Variants in ASCC3 observed in about 807,000 individuals in gnomAD.
ASCC3 encodes the protein ASC-1 complex subunit P200.
A neutral mutation model predicts 256.3 loss-of-function variants in ASCC3; 158 were observed. The observed-to-expected ratio is 0.62, with a 90% CI of 0.54 to 0.70. The LOEUF is 0.70. Among genes scored for constraint, ASCC3 ranks in the 30% least tolerant of loss-of-function variants. ASCC3 has a pLI of 0.00. For missense variants in ASCC3, 2,259 were observed against 2,626.0 expected (o/e 0.86, Z 3.05); for synonymous variants, 948 against 883.4 (o/e 1.07, Z -1.30).
At chr6:100,556,113 A>T (rs910731699) in intron 36 of ASCC3, among the ~76,000 whole-genome samples, 1 of 152,238 alleles carries the variant, frequency 6.6e-6, no homozygotes, top group Non-Finnish European at 1.5e-5. Flanking sequence ...ACTGGGTATG[A>T]GAATATATCA....
intron 37 of ASCC3, among the ~76,000 whole-genome samples, chr6:100,534,959 G>A (rs1471290140): frequency 6.6e-6 from 1 of 152,162 alleles, no homozygotes; most frequent in African/African-American, 2.4e-5. Flanking sequence ...AAATTACTAT[G>A]ATAAAGCGAG....
intron 4 of ASCC3, among the ~76,000 whole-genome samples, chr6:100,834,794 A>G (rs1187385823): frequency 6.6e-6 from 1 of 152,162 alleles, no homozygotes; most frequent in Non-Finnish European, 1.5e-5. Context: ...ACAAACAACT[A>G]CTGGAAAATT....
At chr6:100,605,977 C>T (rs982782975) in intron 32 of ASCC3, among the ~76,000 whole-genome samples, 10 of 151,388 alleles carry the variant, frequency 6.6e-5, no homozygotes, top group African/African-American at 2.4e-4. Flanking sequence ...ATGAAAATTC[C>T]CTTTAGTGGA....
At chr6:100,772,777 T>C (rs994575603) in intron 8 of ASCC3, among the ~76,000 whole-genome samples, 1 of 152,186 alleles carries the variant, frequency 6.6e-6, no homozygotes, top group Non-Finnish European at 1.5e-5. Context: ...TTGCCACTAC[T>C]TGCAATATAA....
At chr6:100,760,963 T>C (rs1218013826) in intron 10 of ASCC3, among the ~76,000 whole-genome samples, 1 of 152,104 alleles carries the variant, frequency 6.6e-6, no homozygotes, top group Non-Finnish European at 1.5e-5. Flanking sequence ...GACATAAACC[T>C]GCAGATTCAA....
intron 10 of ASCC3, among the ~76,000 whole-genome samples, chr6:100,762,439 G>T (rs1016812100): frequency 6.6e-5 from 10 of 152,162 alleles, no homozygotes; most frequent in African/African-American, 2.2e-4. Context: ...CTTCATCAAG[G>T]ATACATTTAG....
At chr6:100,520,221 C>G (rs1582378857) in intron 37 of ASCC3, among the ~76,000 whole-genome samples, 1 of 152,034 alleles carries the variant, frequency 6.6e-6, no homozygotes, top group Admixed American at 6.6e-5. Context: ...CATATCATTC[C>G]TCTGCTTAGG....
chr6:100,846,385 GA>G (rs754355840), intron 4 of ASCC3, among the ~76,000 whole-genome samples: 9 of 152,048 alleles, frequency 5.9e-5, no homozygotes, highest in Non-Finnish European at 5.9e-5. Context: ...ATACGAACAG[GA>G]AAACCAAAAC....
At chr6:100,654,290 A>G (rs190128407) in intron 17 of ASCC3, among the ~76,000 whole-genome samples, 1 of 151,186 alleles carries the variant, frequency 6.6e-6, no homozygotes, top group Admixed American at 6.6e-5. Flanking sequence ...TAATAACATT[A>G]AAACACACAA....
intron 38 of ASCC3, among the ~76,000 whole-genome samples, chr6:100,517,065 T>G (rs764047871): frequency 6.6e-6 from 1 of 152,038 alleles, no homozygotes; most frequent in Non-Finnish European, 1.5e-5. Flanking sequence ...CCCCATGCCA[T>G]CTGCTGCTGG....
chr6:100,754,623 G>A (rs1027720858), intron 10 of ASCC3, among the ~76,000 whole-genome samples: 18 of 152,026 alleles, frequency 1.2e-4, no homozygotes, highest in African/African-American at 4.3e-4. Context: ...CCATACTCTA[G>A]TAACTATTGT....
chr6:100,578,065 G>C (rs1770971079), intron 36 of ASCC3, among the ~76,000 whole-genome samples: 1 of 151,934 alleles, frequency 6.6e-6, no homozygotes, highest in African/African-American at 2.4e-5. Context: ...CTCAGAAACT[G>C]TCTGTTGTCT....
At position 100,753,468 on chromosome 6, in the gene ASCC3, T is replaced by G. The variant is rs552019355; in HGVS notation, c.1737+13097A>C. 1.4e-4 allele frequency among the ~76,000 whole-genome samples: 21 copies of G among 147,252 alleles called. No homozygotes were observed. In the South Asian group the frequency reaches 4.6e-3, roughly 32 times the overall value. ...GTATTAATGTCATCAGTAAAGGGCA[T>G]GAAAAAATGGACAAATCAAACAGGT... On this transcript the variant is annotated intron_variant, in intron 10 of 41. Coordinates refer to ENST00000369162, the MANE Select transcript of ASCC3 (RefSeq NM_006828.4).
At chr6:100,720,691 C>T (rs1229150675) in intron 11 of ASCC3, among the ~76,000 whole-genome samples, 1 of 151,450 alleles carries the variant, frequency 6.6e-6, no homozygotes, top group Non-Finnish European at 1.5e-5. Flanking sequence ...ACAATTTGAC[C>T]ATTTTTCTTA....
intron 3 of ASCC3, among the ~76,000 whole-genome samples, chr6:100,859,775 T>C (rs189006243): frequency 2.6e-5 from 4 of 152,132 alleles, no homozygotes; most frequent in Admixed American, 1.3e-4. Flanking sequence ...AAAACTCATA[T>C]AAATCAGGGC....
Position 100,640,362 on chromosome 6 carries a change from C to G in ASCC3, c.3902-1541G>C, listed in dbSNP as rs564484557. ...TAATGACTATATATTCAAAGAGACC[C>G]TGGAATCATTGAGGTTACTTTGTAT... On this transcript the variant is annotated intron_variant, in intron 24 of 41. Coordinates refer to ENST00000369162, the MANE Select transcript of ASCC3 (RefSeq NM_006828.4). Among the ~76,000 whole-genome samples, 12 of 152,136 alleles carry G rather than the reference C, an allele frequency of 7.9e-5. No individual in the cohort carries two copies. The South Asian group carries it at 2.1e-3, about 26-fold the overall frequency.
At chr6:100,556,826 A>G (rs567560070) in intron 36 of ASCC3, among the ~76,000 whole-genome samples, 62 of 152,060 alleles carry the variant, frequency 4.1e-4, no homozygotes, top group Non-Finnish European at 5.9e-5. Flanking sequence ...GGAGCTAAAG[A>G]GTGAACATTT....
chr6:100,689,707 T>C (rs1232309747), intron 13 of ASCC3, among the ~76,000 whole-genome samples: 1 of 152,196 alleles, frequency 6.6e-6, no homozygotes, highest in East Asian at 1.9e-4. Context: ...ATTCACACCT[T>C]TATTAAAATA....
intron 10 of ASCC3, among the ~76,000 whole-genome samples, chr6:100,735,637 A>G (rs1486880835): frequency 6.6e-6 from 1 of 152,150 alleles, no homozygotes; most frequent in African/African-American, 2.4e-5. Flanking sequence ...CCCTACATTC[A>G]GCAATCTTGC....
Sources: allele counts gnomAD v4.1 joint callset (sites outside exome capture counted in the v4.1 genomes callset), GRCh38; gene constraint gnomAD v4.1.1; transcripts MANE v1.5; gene names NCBI Gene and HGNC (gene_info 2026-07-23, HGNC 2026-07-21).